AQR: variants seen among roughly 807,000 people sequenced by gnomAD.
AQR encodes the protein aquarius intron-binding spliceosomal factor.
Under a neutral mutation model 180.5 loss-of-function variants are expected in AQR, and 61 were observed. The ratio of observed to expected loss-of-function variants is 0.34; its 90% CI spans 0.28 to 0.42. The LOEUF (loss-of-function observed/expected upper bound fraction) is 0.42. AQR is among the 10% of genes least tolerant of loss of function. AQR has a pLI of 1.00. For synonymous variants in AQR, 551 were observed against 588.8 expected, an observed-to-expected ratio of 0.94 and a Z score of 0.93; for missense variants, 1,281 against 1,798.3, an observed-to-expected ratio of 0.71 and a Z score of 5.20.
intron 32 of AQR, among the ~76,000 whole-genome samples, chr15:34,864,635 T>C (rs1379789872): frequency 1.3e-5 from 2 of 152,120 alleles, no homozygotes; most frequent in East Asian, 1.9e-4. Flanking sequence ...GGGTTAGTGG[T>C]GGAAGCAGGT....
At chr15:34,925,704 G>A (rs913244099) in intron 13 of AQR, among the ~76,000 whole-genome samples, 1 of 151,614 alleles carries the variant, frequency 6.6e-6, no homozygotes, top group Non-Finnish European at 1.5e-5. Context: ...ATGGTGGCGT[G>A]TGCCTGTAGT....
At position 34,853,361 on chromosome 15, in the gene AQR, C is replaced by T. The variant is rs1295443891; in HGVS notation, c.*3431G>A. 3 of 151,550 alleles carry T rather than the reference C, an allele frequency of 2.0e-5. No individual in the cohort carries two copies. Among genetic ancestry groups the T allele is most frequent in the Admixed American group, 2.0e-4 (3 of 15,194 alleles). 9.4% of individuals were successfully genotyped at this position (151,550 alleles called of 1,614,324 possible). Reference sequence around the variant, plus strand: ...AAGGCACAAAGCTAAGCACATGCAACAATATAGATGATTTGGGGGTGGGAC... The same window carrying T: ...AAGGCACAAAGCTAAGCACATGCAATAATATAGATGATTTGGGGGTGGGAC... On this transcript the variant is annotated 3_prime_UTR_variant, in exon 35 of 35. Coordinates refer to ENST00000156471, the MANE Select transcript of AQR (RefSeq NM_014691.3).
At chr15:34,924,258 C>G (rs1157869505) in intron 13 of AQR, among the ~76,000 whole-genome samples, 1 of 152,168 alleles carries the variant, frequency 6.6e-6, no homozygotes, top group African/African-American at 2.4e-5. Context: ...TCAACCAAAA[C>G]AATATCTCAC....
chr15:34,937,598 A>T (rs993843199), intron 9 of AQR, among the ~76,000 whole-genome samples: 7 of 152,290 alleles, frequency 4.6e-5, no homozygotes, highest in Admixed American at 3.9e-4. Flanking sequence ...AATATTAAAC[A>T]ATTGGCCAAG....
rs57686144 is a variant in AQR at position 34,962,269 on chromosome 15, G to A, written c.133-1455C>T. Among the ~76,000 whole-genome samples the A allele has an allele frequency of 6.6e-3, 1,005 of 152,108 alleles. 11 individuals carry two copies. The highest frequency in any genetic ancestry group is 0.023 in the African/African-American group (950 of 41,502). ...AACTCCTGAAGTCAAGTGACCTACC[G>A]CCTCAGCCTCCCAAAGTGCTGGGAT... On this transcript the variant is annotated intron_variant, in intron 2 of 34. Coordinates refer to ENST00000156471, the MANE Select transcript of AQR (RefSeq NM_014691.3).
chr15:34,893,939 A>G (rs1312050189), intron 22 of AQR, among the ~76,000 whole-genome samples, 166 bp from the exon 23 acceptor site: 1 of 152,186 alleles, frequency 6.6e-6, no homozygotes, highest in Non-Finnish European at 1.5e-5. Context: ...TTTGAGATAG[A>G]TCAGTAAGCT....
chr15:34,861,246 T>G (rs1892667441), intron 33 of AQR, among the ~76,000 whole-genome samples: 1 of 152,184 alleles, frequency 6.6e-6, no homozygotes, highest in Admixed American at 6.5e-5. Flanking sequence ...TCTAAGCAGG[T>G]ATTCTTTTGA....
At position 34,934,210 on chromosome 15, in the gene AQR, A is replaced by T. The variant is rs1055265562; in HGVS notation, c.783+361T>A. Among the ~76,000 whole-genome samples the T allele has an allele frequency of 3.2e-4, 48 of 150,990 alleles. 1 individual carries two copies. The highest frequency in any genetic ancestry group is 1.0e-3 in the African/African-American group (43 of 41,230). On this transcript the variant is annotated intron_variant, in intron 10 of 34. Coordinates refer to ENST00000156471, the MANE Select transcript of AQR (RefSeq NM_014691.3). ...AGAATTTTTTTCTTAATGTATTTTT[A>T]TTGTATTTTATTGTATTGTATTAAT...
intron 15 of AQR, among the ~76,000 whole-genome samples, chr15:34,917,762 C>T (rs1034461684): frequency 2.7e-5 from 4 of 150,506 alleles, no homozygotes; most frequent in African/African-American, 4.9e-5. Flanking sequence ...GTGGGCAGAT[C>T]GCTTGAGCTC....
chr15:34,921,560 T>G (rs577845486), intron 13 of AQR, among the ~76,000 whole-genome samples: 135 of 152,256 alleles, frequency 8.9e-4, no homozygotes, highest in Non-Finnish European at 1.7e-3. Flanking sequence ...TATCAGTATT[T>G]GCTGTCAATG....
chr15:34,873,482 C>T (rs552513736), intron 30 of AQR, among the ~76,000 whole-genome samples: 1 of 150,100 alleles, frequency 6.7e-6, no homozygotes, highest in Admixed American at 6.6e-5. Flanking sequence ...ATTCAGAATT[C>T]AACTTGTTTG....
At chr15:34,969,447 G>C (rs2050331865) in intron 1 of AQR, 92 bp downstream of exon 1, 2 of 1,318,148 alleles carry the variant, frequency 1.5e-6, no homozygotes, top group Admixed American at 1.9e-5. Context: ...GCCTCCTCCG[G>C]ACTCCTAAAT....
rs369426697 is a variant in AQR at position 34,932,302 on chromosome 15, A to T, written c.900+16T>A. 1.1e-5 allele frequency: 17 copies of T among 1,568,390 alleles called. 1 individual carries two copies. The East Asian group carries it at 2.9e-4, about 27-fold the overall frequency. On this transcript the variant is annotated intron_variant, in intron 11 of 34. Transcript: ENST00000156471. ...AAAGTAAAACAATAAATACGTTCAGATACATCAATATTCACCTGGGAAAAA... is the reference window on the plus strand; with the variant it reads ...AAAGTAAAACAATAAATACGTTCAGTTACATCAATATTCACCTGGGAAAAA...
intron 12 of AQR, among the ~76,000 whole-genome samples, chr15:34,929,843 A>T (rs1005071693): frequency 7.2e-5 from 11 of 152,248 alleles, no homozygotes; most frequent in Admixed American, 6.5e-4. Context: ...TCAGCAAAAG[A>T]AAACAAGTGA....
intron 24 of AQR, among the ~76,000 whole-genome samples, chr15:34,887,481 G>A (rs888753593): frequency 6.6e-6 from 1 of 152,082 alleles, no homozygotes; most frequent in Non-Finnish European, 1.5e-5. Context: ...ACATAACTTG[G>A]CACCCAAACC....
At chr15:34,957,724 A>AT (rs199786571) in intron 3 of AQR, among the ~76,000 whole-genome samples, 3,589 of 101,438 alleles carry the variant, frequency 0.035, 72 homozygotes, top group Middle Eastern at 0.1. Flanking sequence ...AAAAAACATA[A>AT]AAATAATAAT....
At chr15:34,964,165 T>G in intron 2 of AQR, 69 bp downstream of exon 2, 1 of 1,089,578 alleles carries the variant, frequency 9.2e-7, no homozygotes, top group Non-Finnish European at 1.3e-6. Context: ...TATGGAAAGC[T>G]TTTGTTGAAA....
intron 17 of AQR, among the ~76,000 whole-genome samples, chr15:34,909,050 A>G (rs890786090): frequency 6.6e-6 from 1 of 152,228 alleles, no homozygotes; most frequent in African/African-American, 2.4e-5. Flanking sequence ...AATCTGTCAT[A>G]AACTATACCC....
Position 34,870,733 on chromosome 15 carries a change from A to G in AQR, c.3768+19T>C, listed in dbSNP as rs1016565475. 3.8e-6 allele frequency: 6 copies of G among 1,599,782 alleles called. No homozygotes were observed. Among genetic ancestry groups the G allele is most frequent in the African/African-American group, 1.3e-5 (1 of 74,292 alleles). On this transcript the variant is annotated intron_variant, in intron 31 of 34. Transcript: ENST00000156471. ...GCCAAAATGATGAATAAGAGAACATATTATAATTATAAAAGTACCTTGTTT... is the reference window on the plus strand; with the variant it reads ...GCCAAAATGATGAATAAGAGAACATGTTATAATTATAAAAGTACCTTGTTT...
Sources: allele counts gnomAD v4.1 joint callset (sites outside exome capture counted in the v4.1 genomes callset), GRCh38; gene constraint gnomAD v4.1.1; transcripts MANE v1.5; gene names NCBI Gene and HGNC (gene_info 2026-07-23, HGNC 2026-07-21).